The following ARHGAP17 variants were observed in gnomAD, a reference collection of about 807,000 sequenced individuals.
ARHGAP17 encodes rho GTPase-activating protein 17.
A neutral mutation model predicts 99.5 loss-of-function variants in ARHGAP17; 57 were observed. That is an observed-to-expected ratio of 0.57 (90% CI 0.46 to 0.71). The LOEUF (loss-of-function observed/expected upper bound fraction) is 0.71. Ranked by LOEUF, ARHGAP17 falls within the 30% of genes least tolerant of loss-of-function variation. The probability of loss-of-function intolerance (pLI) is 0.00; values close to 1 mark genes in which losing one functional copy is unlikely to be tolerated. For missense variants in ARHGAP17, 1,000 were observed against 1,122.4 expected, an observed-to-expected ratio of 0.89 and a Z score of 1.56; for synonymous variants, 417 against 429.6, an observed-to-expected ratio of 0.97 and a Z score of 0.36.
intron 19 of ARHGAP17, chr16:24,929,598 G>A (rs1040674118): frequency 1.1e-5 from 11 of 987,540 alleles, no homozygotes; most frequent in East Asian, 1.1e-4. Flanking sequence ...CAAGCTGCTC[G>A]GGGCCATTAC....
intron 1 of ARHGAP17, among the ~76,000 whole-genome samples, chr16:25,002,110 T>A (rs1429701743): frequency 6.6e-6 from 1 of 150,902 alleles, no homozygotes; most frequent in East Asian, 2.0e-4. Context: ...TGCAAACATA[T>A]ACACACACCC....
intron 1 of ARHGAP17, 71 bp downstream of exon 1, chr16:25,015,138 G>C: frequency 8.4e-7 from 1 of 1,197,338 alleles, no homozygotes; most frequent in Non-Finnish European, 1.0e-6. Context: ...CGGAGGAGCC[G>C]TCCCGCCCCC....
intron 14 of ARHGAP17, among the ~76,000 whole-genome samples, chr16:24,944,101 T>C (rs2141199879): frequency 6.6e-6 from 1 of 151,956 alleles, no homozygotes; most frequent in South Asian, 2.1e-4. Context: ...TGAAACCCCG[T>C]CTGTACTAAA....
chr16:24,961,028 C>T (rs1296930552), intron 7 of ARHGAP17, among the ~76,000 whole-genome samples: 10 of 151,872 alleles, frequency 6.6e-5, no homozygotes, highest in South Asian at 2.1e-4. Flanking sequence ...TGTGCCACCA[C>T]ACTTTTTGTA....
intron 16 of ARHGAP17, chr16:24,939,819 T>C (rs551249553): frequency 1.4e-5 from 8 of 585,898 alleles, no homozygotes; most frequent in Admixed American, 3.0e-5. Flanking sequence ...ATGTCTTTGA[T>C]CAATTTGGGT....
At position 24,939,363 on chromosome 16, in the gene ARHGAP17, C is replaced by T. The variant is rs1008793041; in HGVS notation, c.1724+1G>A. 1.9e-6 allele frequency: 3 copies of T among 1,597,892 alleles called. No individual in the cohort carries two copies. The highest frequency in any genetic ancestry group is 1.7e-5 in the Admixed American group (1 of 58,494). On this transcript the variant is annotated splice_donor_variant, in intron 17 of 19. Transcript: ENST00000289968. LOFTEE classifies it high-confidence loss of function. The stretch of plus-strand genomic sequence containing the variant: ...CTGCCAGCAGAAGTCAGCCTCCTTA[C>T]CTGCCGTCGCCTGGGCTCGGCCCCT...
intron 6 of ARHGAP17, among the ~76,000 whole-genome samples, chr16:24,966,498 T>C (rs1363670308): frequency 6.6e-6 from 1 of 152,156 alleles, no homozygotes; most frequent in African/African-American, 2.4e-5. Flanking sequence ...CCAGGTGTGG[T>C]GGCACATGCT....
At chr16:24,993,136 G>T (rs1435956351) in intron 1 of ARHGAP17, among the ~76,000 whole-genome samples, 1 of 151,970 alleles carries the variant, frequency 6.6e-6, no homozygotes, top group African/African-American at 2.4e-5. Context: ...CCAGCCAAAA[G>T]AGTTTCTTAA....
intron 1 of ARHGAP17, among the ~76,000 whole-genome samples, chr16:24,992,260 T>C (rs560023572): frequency 6.6e-6 from 1 of 152,326 alleles, no homozygotes; most frequent in South Asian, 2.1e-4. Flanking sequence ...TCTGTGGATA[T>C]CTAGACGAGA....
intron 9 of ARHGAP17, among the ~76,000 whole-genome samples, chr16:24,958,393 T>G (rs1018708555): frequency 7.9e-5 from 12 of 152,204 alleles, no homozygotes; most frequent in Admixed American, 5.2e-4. Context: ...ACAGCAGATA[T>G]CTCATAAATA....
At chr16:24,950,849 A>AAAAAAAAAAG (rs2051617852) in intron 12 of ARHGAP17, among the ~76,000 whole-genome samples, 1 of 151,282 alleles carries the variant, frequency 6.6e-6, no homozygotes, top group African/African-American at 2.4e-5. Flanking sequence ...AAAAAAAAAA[A>AAAAAAAAAAG]AAAAAAAAAG....
At chr16:25,000,817 T>C (rs142855614) in intron 1 of ARHGAP17, among the ~76,000 whole-genome samples, 3 of 152,344 alleles carry the variant, frequency 2.0e-5, no homozygotes, top group African/African-American at 7.2e-5. Context: ...CTCCATATAG[T>C]TGGACTACTA....
chr16:24,941,678 C>A (rs186697419), intron 16 of ARHGAP17: 24 of 306,834 alleles, frequency 7.8e-5, no homozygotes, highest in Non-Finnish European at 1.2e-4. Context: ...TGTTTCCCCC[C>A]ACTCACGTAC....
At chr16:24,972,025 C>T (rs1311579717) in intron 3 of ARHGAP17, among the ~76,000 whole-genome samples, 1 of 152,226 alleles carries the variant, frequency 6.6e-6, no homozygotes. Context: ...AATTCTGCAG[C>T]ATCCCATGTA....
intron 19 of ARHGAP17, among the ~76,000 whole-genome samples, chr16:24,921,647 T>C (rs1163840451): frequency 6.6e-6 from 1 of 152,128 alleles, no homozygotes; most frequent in South Asian, 2.1e-4. Flanking sequence ...TGAGATCTAT[T>C]TACTCCCTGG....
intron 16 of ARHGAP17, among the ~76,000 whole-genome samples, chr16:24,940,380 A>G (rs555134315): frequency 2.0e-5 from 3 of 152,296 alleles, no homozygotes; most frequent in Admixed American, 2.0e-4. Context: ...GCATATGCAG[A>G]CTACATGTGA....
At chr16:24,982,998 T>TATATATATATATA (rs59011851) in intron 1 of ARHGAP17, among the ~76,000 whole-genome samples, 1 of 27,578 alleles carries the variant, frequency 3.6e-5, no homozygotes, top group Non-Finnish European at 6.8e-5. Flanking sequence ...ATATATATAT[T>TATATATATATATA]TTTTTTTTTT....
intron 1 of ARHGAP17, among the ~76,000 whole-genome samples, chr16:25,006,252 C>T (rs6497769): frequency 0.023 from 3,467 of 151,270 alleles, 118 homozygotes; most frequent in African/African-American, 0.077. Flanking sequence ...ACCAGCCTGG[C>T]CAACATGGTG....
At chr16:24,925,574 C>A (rs1042559853) in intron 19 of ARHGAP17, among the ~76,000 whole-genome samples, 1 of 152,096 alleles carries the variant, frequency 6.6e-6, no homozygotes, top group Non-Finnish European at 1.5e-5. Flanking sequence ...TATCTTGACA[C>A]AATTCTGATT....
Sources: gnomAD v4.1 joint callset for allele counts (sites outside exome capture counted in the v4.1 genomes callset) on GRCh38, gnomAD v4.1.1 for gene constraint, MANE v1.5 for transcripts, NCBI Gene and HGNC (gene_info 2026-07-23, HGNC 2026-07-21) for gene names.